BECN1: variants seen among roughly 807,000 people sequenced by gnomAD.
BECN1 encodes the protein beclin 1.
In BECN1, 15 loss-of-function variants were observed where a neutral mutation model predicts 60.1. That is an observed-to-expected ratio of 0.25 (90% CI 0.17 to 0.38). The LOEUF is 0.38. Ranked by LOEUF, BECN1 falls within the 10% of genes least tolerant of loss-of-function variation. BECN1 has a pLI of 1.00. For synonymous variants in BECN1, 179 were observed against 201.8 expected (o/e 0.89, Z 0.96); for missense variants, 424 against 548.2 (o/e 0.77, Z 2.26).
Position 42,816,073 on chromosome 17 carries a change from G to A in BECN1, c.684-19C>T. On this transcript the variant is annotated intron_variant, in intron 7 of 11. Transcript: ENST00000590099. ...CTGATACCTGTGAGCAGCCAAGGGG[G>A]CCATTGAAGGCTGTTAGCTTGGGGG... is the stretch of plus-strand genomic sequence containing the variant. 6.4e-7 allele frequency: 1 copy of A among 1,553,392 alleles called. No homozygotes were observed. Among genetic ancestry groups the A allele is most frequent in the Admixed American group, 1.9e-5 (1 of 51,354 alleles).
intron 8 of BECN1, chr17:42,814,976 C>G (rs545228726): frequency 7.6e-6 from 3 of 393,670 alleles, no homozygotes; most frequent in Non-Finnish European, 1.4e-5. Context: ...TCTCCAAATT[C>G]AATGCTACTA....
At chr17:42,819,770 T>C (rs995769732) in intron 3 of BECN1, among the ~76,000 whole-genome samples, 161 bp from the exon 4 acceptor site, 3 of 152,148 alleles carry the variant, frequency 2.0e-5, no homozygotes, top group Admixed American at 6.5e-5. Context: ...TCCTTGTGTA[T>C]GTGGACTAAG....
chr17:42,819,703 A>T, intron 3 of BECN1, 94 bp from the exon 4 acceptor site: 2 of 1,247,476 alleles, frequency 1.6e-6, no homozygotes, highest in South Asian at 1.4e-5. Flanking sequence ...TTTAGTCTTG[A>T]TAACCACAAG....
chr17:42,819,280 C>A, intron 4 of BECN1: 1 of 486,226 alleles, frequency 2.1e-6, no homozygotes, highest in Non-Finnish European at 3.6e-6. Context: ...AAGAGCCCAT[C>A]TCTTGGTGAT....
chr17:42,818,845 G>A lies in BECN1; in HGVS notation c.293C>T (p.Thr98Ile), dbSNP rs1293027246. 1.9e-6 allele frequency: 3 copies of A among 1,614,192 alleles called. No homozygotes were observed. The highest frequency in any genetic ancestry group is 2.5e-6 in the Non-Finnish European group (3 of 1,180,038). ...GCCATCAGATGCCTCCCCAATCAGA[G>A]TGAAGCTGTTGGCACTTTCTGTGGA... Reference protein sequence around the residue: ...MMSTESANSFTLIGEASDGGT... With the variant: ...MMSTESANSFILIGEASDGGT... The change falls in exon 5 of 12, where the codon ACT becomes ATT. Residue 98 changes from threonine to isoleucine, a missense_variant. Around this residue, in one of 3 missense-constraint regions of BECN1, gnomAD observed 96 missense variants for 125.6 expected, o/e 0.76. Transcript: ENST00000590099.
chr17:42,818,110 C>G (rs140841237), intron 7 of BECN1, 111 bp downstream of exon 7: 1 of 1,181,472 alleles, frequency 8.5e-7, no homozygotes, highest in Non-Finnish European at 1.2e-6. Flanking sequence ...GGCAGGCATG[C>G]TGCTGACTGA....
Position 42,810,636 on chromosome 17 carries a change from A to AT in BECN1, c.*123dup, listed in dbSNP as rs1447049794. The AT allele has an allele frequency of 4.7e-6, 5 of 1,074,618 alleles. No homozygotes were observed. Among genetic ancestry groups the AT allele is most frequent in the South Asian group, 4.4e-5 (2 of 45,858 alleles). The allele number at this position is 1,074,618 out of a possible 1,614,324, so 66.6% of individuals were successfully genotyped here. ...TTTTAAAATAAAGTGGCTTTTGTGG[A>AT]TTTTTTCTTTTTTGGTATTGTAAAC... On this transcript the variant is annotated 3_prime_UTR_variant, in exon 12 of 12. Transcript: ENST00000590099.
chr17:42,823,928 C>A (rs777680880), intron 1 of BECN1, 49 bp from the exon 2 acceptor site: 1 of 1,595,638 alleles, frequency 6.3e-7, no homozygotes, highest in Non-Finnish European at 8.6e-7. Context: ...ACGCCCTTGA[C>A]CTCCGGCCCG....
Position 42,814,684 on chromosome 17 carries a change from A to C in BECN1, c.831-11T>G, listed in dbSNP as rs774345875. On this transcript the variant is annotated splice_polypyrimidine_tract_variant and intron_variant, in intron 8 of 11. Coordinates refer to ENST00000590099, the MANE Select transcript of BECN1 (RefSeq NM_001313998.2). ...AACTGTCCACTGTGCCTACAGAGGAAGGCAGAAAGGTGGGGGGAAATACAG... is the reference window on the plus strand; with the variant it reads ...AACTGTCCACTGTGCCTACAGAGGACGGCAGAAAGGTGGGGGGAAATACAG... 6.2e-7 allele frequency: 1 copy of C among 1,613,974 alleles called. No homozygotes were observed. Among genetic ancestry groups the C allele is most frequent in the Admixed American group, 1.7e-5 (1 of 59,998 alleles).
intron 7 of BECN1, among the ~76,000 whole-genome samples, chr17:42,817,399 T>C (rs2055170071): frequency 6.6e-6 from 1 of 152,188 alleles, no homozygotes; most frequent in African/African-American, 2.4e-5. Context: ...AAATAGTTAC[T>C]ATACCCCACT....
intron 3 of BECN1, 112 bp downstream of exon 3, chr17:42,820,662 G>T: frequency 9.2e-7 from 1 of 1,089,388 alleles, no homozygotes; most frequent in Non-Finnish European, 1.3e-6. Flanking sequence ...GGGAGCTCTA[G>T]AAGCGCCAAG....
intron 7 of BECN1, among the ~76,000 whole-genome samples, chr17:42,817,226 T>A (rs957978012): frequency 2.0e-4 from 30 of 151,094 alleles, no homozygotes; most frequent in African/African-American, 7.3e-4. Flanking sequence ...GTGTAGGAAG[T>A]CAAGGCCGCA....
At chr17:42,811,913 G>A (rs1476346344) in intron 10 of BECN1, 116 bp from the exon 11 acceptor site, 6 of 1,276,744 alleles carry the variant, frequency 4.7e-6, no homozygotes, top group Non-Finnish European at 6.5e-6. Context: ...CTGGAAACTT[G>A]TATTGTAGCT....
At position 42,810,590 on chromosome 17, in the gene BECN1, G is replaced by C; in HGVS notation, c.*170C>G. ...CTATAGATGGCATGTTGTAGCTCTG[G>C]AAAGTATCTGTCACATGATATTTTA... On this transcript the variant is annotated 3_prime_UTR_variant, in exon 12 of 12. Coordinates refer to ENST00000590099, the MANE Select transcript of BECN1 (RefSeq NM_001313998.2). The C allele has an allele frequency of 1.5e-6, 1 of 658,420 alleles. No individual in the cohort carries two copies. The highest frequency in any genetic ancestry group is 3.2e-5 in the East Asian group (1 of 31,282). 40.8% of individuals were successfully genotyped at this position (658,420 alleles called of 1,614,324 possible).
At chr17:42,811,929 C>CT (rs1373616284) in intron 10 of BECN1, 132 bp from the exon 11 acceptor site, 2 of 1,086,608 alleles carry the variant, frequency 1.8e-6, no homozygotes, top group East Asian at 2.5e-5. Flanking sequence ...TAGCTGGACT[C>CT]TATCTTCCAT....
At chr17:42,811,460 T>C in intron 11 of BECN1, 195 bp downstream of exon 11, 2 of 555,996 alleles carry the variant, frequency 3.6e-6, no homozygotes, top group Non-Finnish European at 5.8e-6. Flanking sequence ...AACATTCTTC[T>C]ACTCCAAGGA....
In BECN1 at chr17:42,814,555, G is replaced by A. The variant is rs766581104; in HGVS notation, c.949C>T (p.Leu317=). 1.2e-6 allele frequency: 2 copies of A among 1,614,164 alleles called. No homozygotes were observed. Among genetic ancestry groups the A allele is most frequent in the Non-Finnish European group, 1.7e-6 (2 of 1,180,028 alleles). Residue 317 remains leucine (L), a synonymous_variant, in exon 9 of 12, where the codon CTG becomes TTG. Transcript: ENST00000590099. Reference sequence around the variant, plus strand: ...AATTTCAGACCCATCTTATTGGCCAGAGCATGGAGCAGCAACACAGTCTGG... The same window carrying A: ...AATTTCAGACCCATCTTATTGGCCAAAGCATGGAGCAGCAACACAGTCTGG... ...WGQTVLLLHA[L]ANKMGLKFQR... is the part of the protein sequence containing the mutation.
At chr17:42,819,453 C>T in intron 4 of BECN1, 95 bp downstream of exon 4, 1 of 1,324,122 alleles carries the variant, frequency 7.6e-7, no homozygotes, top group Non-Finnish European at 1.1e-6. Context: ...GGTGATGATG[C>T]ATCTCTATCA....
chr17:42,819,139 T>G (rs1489969798), intron 4 of BECN1: 1 of 513,360 alleles, frequency 1.9e-6, no homozygotes, highest in Non-Finnish European at 3.4e-6. Flanking sequence ...ATGTCTACAG[T>G]GGAAAAGAAG....
Sources: gnomAD v4.1 joint callset for allele counts (sites outside exome capture counted in the v4.1 genomes callset) on GRCh38, gnomAD v4.1.1 for gene constraint, gnomAD v4.1.1 regional missense constraint, MANE v1.5 for transcripts, NCBI Gene and HGNC (gene_info 2026-07-23, HGNC 2026-07-21) for gene names.